The following PDE4C variants were observed in gnomAD, a reference collection of about 807,000 sequenced individuals.
PDE4C encodes 3',5'-cyclic-AMP phosphodiesterase 4C.
Under a neutral mutation model 63.9 loss-of-function variants are expected in PDE4C, and 50 were observed. The ratio of observed to expected loss-of-function variants is 0.78; its 90% CI spans 0.62 to 0.99. The LOEUF is 0.99. Among genes scored for constraint, PDE4C ranks in the 50% least tolerant of loss-of-function variants. PDE4C has a pLI of 0.00. For synonymous variants in PDE4C, 377 were observed against 385.1 expected (o/e 0.98, Z 0.25); for missense variants, 777 against 899.1 (o/e 0.86, Z 1.74).
At chr19:18,223,693 TGAGGG>T (rs2148035710) in intron 1 of PDE4C, among the ~76,000 whole-genome samples, 1 of 152,288 alleles carries the variant, frequency 6.6e-6, no homozygotes, top group East Asian at 1.9e-4. Context: ...GAGAGCTCTT[TGAGGG>T]GGTTACAACC....
chr19:18,219,402 G>C lies in PDE4C; in HGVS notation c.707-5C>G, dbSNP rs377117455. On this transcript the variant is annotated splice_region_variant and splice_polypyrimidine_tract_variant and intron_variant, in intron 7 of 14. Coordinates refer to ENST00000262805, the Ensembl canonical transcript of PDE4C. ...GCTCCACCTCGGTCTGCTGGTCTGC[G>C]GATGGGCCAGGGTGAAGCTCAGAGA... 10 of 1,595,440 alleles carry C rather than the reference G, an allele frequency of 6.3e-6. No individual in the cohort carries two copies. Among genetic ancestry groups the C allele is most frequent in the Non-Finnish European group, 8.5e-6 (10 of 1,170,232 alleles).
chr19:18,208,146 A>T (rs1447588566), downstream of PDE4C: 1 of 152,208 alleles, frequency 6.6e-6, no homozygotes, highest in Non-Finnish European at 1.5e-5. Flanking sequence ...AACCCGGATG[A>T]CTTTTAGTTC....
chr19:18,235,850 A>G (rs1221447881), upstream of PDE4C, among the ~76,000 whole-genome samples: 3 of 151,538 alleles, frequency 2.0e-5, no homozygotes, highest in Non-Finnish European at 4.4e-5. Flanking sequence ...GGCTTTATAC[A>G]TTCTGTTCCT....
chr19:18,225,461 C>T (rs1202093338), intron 1 of PDE4C: 1 of 152,320 alleles, frequency 6.6e-6, no homozygotes, highest in Admixed American at 6.5e-5. Context: ...ATACCTTCTC[C>T]CTCCAACCCC....
At chr19:18,249,584 T>TG (rs1969202775), upstream of PDE4C, among the ~76,000 whole-genome samples, 1 of 150,420 alleles carries the variant, frequency 6.6e-6, no homozygotes, top group Non-Finnish European at 1.5e-5. Context: ...CCTATTTTTT[T>TG]TTTTTTTGAG....
upstream of PDE4C, among the ~76,000 whole-genome samples, chr19:18,235,868 G>A (rs1212680425): frequency 6.6e-6 from 1 of 151,700 alleles, no homozygotes; most frequent in Non-Finnish European, 1.5e-5. Flanking sequence ...CCTTCTGCTT[G>A]GAATGCCCTT....
chr19:18,245,202 T>C (rs1969110074), intron 1 of PDE4C, among the ~76,000 whole-genome samples: 1 of 149,120 alleles, frequency 6.7e-6, no homozygotes, highest in African/African-American at 2.5e-5. Context: ...CGCACTCTGT[T>C]GCCCAGGCTG....
chr19:18,229,102 ATTTTTTT>A (rs56379821), upstream of PDE4C, among the ~76,000 whole-genome samples: 72 of 124,546 alleles, frequency 5.8e-4, no homozygotes, highest in African/African-American at 1.1e-3. Flanking sequence ...TGCCAAGCTA[ATTTTTTT>A]TTTTTTTTTT....
At chr19:18,240,821 G>A (rs1366255275) in intron 1 of PDE4C, among the ~76,000 whole-genome samples, 2 of 152,236 alleles carry the variant, frequency 1.3e-5, no homozygotes, top group Non-Finnish European at 2.9e-5. Flanking sequence ...TGCGGAGAAC[G>A]GATGTGAGTT....
exon 1 of PDE4C, chr19:18,233,471 C>G (rs746811802): frequency 1.6e-5 from 11 of 673,450 alleles, no homozygotes; most frequent in African/African-American, 5.3e-5. Context: ...AGACCCCCCC[C>G]CAACACACCA....
chr19:18,247,361 T>A (rs1600107247), intron 1 of PDE4C, among the ~76,000 whole-genome samples: 1 of 151,986 alleles, frequency 6.6e-6, no homozygotes, highest in Admixed American at 6.6e-5. Context: ...AGTGGCGTGA[T>A]CTCAACTCAC....
the PDE4C span, among the ~76,000 whole-genome samples, chr19:18,254,616 G>A: frequency 6.6e-6 from 1 of 152,198 alleles, no homozygotes; most frequent in African/African-American, 2.4e-5. Context: ...TCCCTGCAAT[G>A]AGCATTTCAG....
chr19:18,212,214 C>T (rs571418462), intron 13 of PDE4C, among the ~76,000 whole-genome samples: 166 of 151,528 alleles, frequency 1.1e-3, no homozygotes, highest in African/African-American at 3.9e-3. Flanking sequence ...GTTAGGGTCT[C>T]ACGCTGTGAC....
chr19:18,233,971 C>T (rs1968904327), upstream of PDE4C, among the ~76,000 whole-genome samples: 1 of 152,204 alleles, frequency 6.6e-6, no homozygotes, highest in Non-Finnish European at 1.5e-5. Context: ...AGCCCTAAAA[C>T]CCCCACCCAT....
chr19:18,226,615 T>G, upstream of PDE4C: 1 of 402,928 alleles, frequency 2.5e-6, no homozygotes, highest in Non-Finnish European at 4.3e-6. Context: ...CTTTTTTTTT[T>G]TTTTTTTTTT....
chr19:18,222,719 T>TTTTTCCC (rs1968547958), intron 1 of PDE4C, among the ~76,000 whole-genome samples: 1 of 138,526 alleles, frequency 7.2e-6, no homozygotes, highest in Non-Finnish European at 1.6e-5. Context: ...TTTTTTTTTT[T>TTTTTCCC]GACAGGGCCC....
chr19:18,224,784 G>C (rs1489463257), intron 1 of PDE4C, among the ~76,000 whole-genome samples: 2 of 152,250 alleles, frequency 1.3e-5, no homozygotes, highest in African/African-American at 4.8e-5. Context: ...GCCAGCCGAA[G>C]GGGCGGGGCT....
the PDE4C span, chr19:18,255,145 T>A: frequency 2.9e-4 from 115 of 397,632 alleles, no homozygotes; most frequent in African/African-American, 2.2e-3. The surrounding 1 kb of genome is among the most constrained non-coding windows in gnomAD (Gnocchi z 4.6). Flanking sequence ...AGAAGCCAGG[T>A]GTGTGACTGG....
In PDE4C at chr19:18,243,038, A is replaced by G. The variant is rs115997736; in HGVS notation, c.-210+5133T>C. ...CGGGGCCTGTGAGTGGATCTGAGAT[A>G]TGTTTTGGGGGCTGAAAGACAGGCC... On this transcript the variant is annotated intron_variant, in intron 1 of 15. Transcript: ENST00000594617. 4.2e-3 allele frequency among the ~76,000 whole-genome samples: 634 copies of G among 152,154 alleles called. 7 individuals are homozygous for G. Among genetic ancestry groups the G allele is most frequent in the African/African-American group, 0.015 (609 of 41,512 alleles).
Sources: gnomAD v4.1 joint callset for allele counts (sites outside exome capture counted in the v4.1 genomes callset) on GRCh38, gnomAD v4.1.1 for gene constraint, Gnocchi (gnomAD v3.1) non-coding constraint, MANE v1.5 for transcripts, NCBI Gene and HGNC (gene_info 2026-07-23, HGNC 2026-07-21) for gene names.